Variants in TNFSF4 observed in about 807,000 individuals in gnomAD.
TNFSF4 encodes tumor necrosis factor ligand superfamily member 4.
In TNFSF4, 4 loss-of-function variants were observed where a neutral mutation model predicts 7.3. The ratio of observed to expected loss-of-function variants is 0.55; its 90% CI spans 0.27 to 1.25. TNFSF4 has a LOEUF of 1.25. TNFSF4 is among the 50% of genes most tolerant of loss of function. The pLI is 0.12. For missense variants in TNFSF4, 181 were observed against 208.8 expected, an observed-to-expected ratio of 0.87 and a Z score of 0.82; for synonymous variants, 76 against 83.7, an observed-to-expected ratio of 0.91 and a Z score of 0.50.
At chr1:173,404,392 G>T in the TNFSF4 span, among the ~76,000 whole-genome samples, 9 of 152,170 alleles carry the variant, frequency 5.9e-5, no homozygotes, top group African/African-American at 2.2e-4. Context: ...TGCAGAGAGG[G>T]AAGTAGCACC....
the TNFSF4 span, among the ~76,000 whole-genome samples, chr1:173,379,859 C>T: frequency 3.9e-5 from 6 of 152,362 alleles, no homozygotes; most frequent in African/African-American, 1.4e-4. Flanking sequence ...CCCCCTCATC[C>T]ATGTCCCCTA....
the TNFSF4 span, among the ~76,000 whole-genome samples, chr1:173,445,874 C>T: frequency 2.0e-4 from 31 of 152,256 alleles, 1 homozygote; most frequent in African/African-American, 7.2e-4. Context: ...ATACTCAAAG[C>T]TGCCAAGTAG....
At chr1:173,349,173 C>T in the TNFSF4 span, among the ~76,000 whole-genome samples, 383 of 152,208 alleles carry the variant, frequency 2.5e-3, 3 homozygotes, top group African/African-American at 8.8e-3. Context: ...GGACTACAGG[C>T]GCCCGCTGCC....
At chr1:173,332,240 T>C in the TNFSF4 span, among the ~76,000 whole-genome samples, 2 of 152,302 alleles carry the variant, frequency 1.3e-5, no homozygotes, top group South Asian at 2.1e-4. Flanking sequence ...GGAAGCAAAG[T>C]AGTCCTTCCC....
At chr1:173,375,841 C>A in the TNFSF4 span, among the ~76,000 whole-genome samples, 5 of 152,080 alleles carry the variant, frequency 3.3e-5, no homozygotes, top group Admixed American at 6.5e-5. Context: ...TCGCTCTTCA[C>A]AATAAACTTT....
At chr1:173,397,303 G>A in the TNFSF4 span, among the ~76,000 whole-genome samples, 2 of 152,062 alleles carry the variant, frequency 1.3e-5, no homozygotes, top group African/African-American at 4.8e-5. Flanking sequence ...CCTTGAAGAA[G>A]GATCCTATTC....
chr1:173,322,517 TGGG>T, the TNFSF4 span, among the ~76,000 whole-genome samples: 1 of 152,048 alleles, frequency 6.6e-6, no homozygotes, highest in East Asian at 1.9e-4. Flanking sequence ...TTCATCTCAC[TGGG>T]GAGTGCTTGA....
the TNFSF4 span, among the ~76,000 whole-genome samples, chr1:173,228,225 C>T: frequency 1.3e-5 from 2 of 152,198 alleles, no homozygotes; most frequent in Admixed American, 1.3e-4. Context: ...CCCTCTGAGA[C>T]AAAGCTTCCA....
At chr1:173,402,105 A>G in the TNFSF4 span, among the ~76,000 whole-genome samples, 1 of 152,200 alleles carries the variant, frequency 6.6e-6, no homozygotes, top group African/African-American at 2.4e-5. Flanking sequence ...TTATGCTCAG[A>G]AACTTTCTAT....
the TNFSF4 span, among the ~76,000 whole-genome samples, chr1:173,329,728 G>A: frequency 4.6e-5 from 7 of 151,986 alleles, no homozygotes; most frequent in East Asian, 1.3e-3. Context: ...CCGTAGGATA[G>A]GTTCTGTTAT....
rs768986032 is a variant in TNFSF4, at chr1:173,207,122, A to C, written c.55T>G (p.Phe19Val). 14 of 1,613,840 alleles carry C rather than the reference A, an allele frequency of 8.7e-6. No individual in the cohort carries two copies. Among genetic ancestry groups the C allele is most frequent in the Non-Finnish European group, 1.0e-5 (12 of 1,179,852 alleles). ...ENVGNAARPR[F>V]ERNKLLLVAS... The stretch of plus-strand genomic sequence containing the variant: ...ACCAGCAATAGCTTGTTCCTCTCGA[A>C]TCTTGGCCTGGCTGCATTTCCCACA... Residue 19 changes from phenylalanine (F) to valine (V), a missense_variant, in exon 1 of 3, where the codon TTC becomes GTC. Phe to Val is a conservative substitution (Grantham distance 50). Transcript: ENST00000281834.
downstream of TNFSF4, among the ~76,000 whole-genome samples, chr1:173,180,871 A>C (rs1470770125): frequency 3.3e-5 from 5 of 152,350 alleles, no homozygotes; most frequent in Admixed American, 6.5e-5. Context: ...TTGGGAGAGC[A>C]AAAGAGATCA....
the TNFSF4 span, among the ~76,000 whole-genome samples, chr1:173,377,383 C>T: frequency 2.6e-5 from 4 of 152,166 alleles, no homozygotes; most frequent in African/African-American, 9.7e-5. Context: ...AGCCAGATTG[C>T]ACTTTCCCTA....
At chr1:173,236,495 A>G in the TNFSF4 span, among the ~76,000 whole-genome samples, 1 of 151,932 alleles carries the variant, frequency 6.6e-6, no homozygotes, top group East Asian at 1.9e-4. Flanking sequence ...AAAAGATGTT[A>G]AGAAATGTTT....
chr1:173,191,097 G>A (rs1230850096), intron 1 of TNFSF4, among the ~76,000 whole-genome samples: 1 of 152,172 alleles, frequency 6.6e-6, no homozygotes, highest in Non-Finnish European at 1.5e-5. Context: ...ACTTTGCAAA[G>A]ATCTCCAAAA....
At chr1:173,388,555 A>G in the TNFSF4 span, among the ~76,000 whole-genome samples, 1 of 152,346 alleles carries the variant, frequency 6.6e-6, no homozygotes, top group East Asian at 1.9e-4. Flanking sequence ...ATTGCACAAT[A>G]GTGTTCTTCA....
chr1:173,325,018 G>C, the TNFSF4 span, among the ~76,000 whole-genome samples: 1 of 152,124 alleles, frequency 6.6e-6, no homozygotes, highest in Admixed American at 6.5e-5. Context: ...GCGGACCTAA[G>C]AGACATCTAC....
At chr1:173,315,384 G>A in the TNFSF4 span, among the ~76,000 whole-genome samples, 1 of 152,046 alleles carries the variant, frequency 6.6e-6, no homozygotes, top group African/African-American at 2.4e-5. Flanking sequence ...ATAAAAGTCT[G>A]ATCATCTTTA....
At chr1:173,387,009 C>T in the TNFSF4 span, among the ~76,000 whole-genome samples, 14 of 152,128 alleles carry the variant, frequency 9.2e-5, no homozygotes, top group Non-Finnish European at 2.9e-5. Flanking sequence ...AGCAATTTGC[C>T]TCAGGATGAA....
Sources: gnomAD v4.1 joint callset for allele counts (sites outside exome capture counted in the v4.1 genomes callset) on GRCh38, gnomAD v4.1.1 for gene constraint, MANE v1.5 for transcripts, NCBI Gene and HGNC (gene_info 2026-07-23, HGNC 2026-07-21) for gene names.